The following CSN3 variants were observed in gnomAD, a reference collection of about 807,000 sequenced individuals.
The protein encoded by CSN3 is kappa-casein.
Under a neutral mutation model 9.9 loss-of-function variants are expected in CSN3, and 7 were observed. The ratio of observed to expected loss-of-function variants is 0.71; its 90% CI spans 0.40 to 1.33. The LOEUF (loss-of-function observed/expected upper bound fraction) is 1.33. Ranked by LOEUF, CSN3 falls within the 40% of genes most tolerant of loss-of-function variation. CSN3 has a pLI of 0.01. For missense variants in CSN3, 253 were observed against 227.9 expected (o/e 1.11, Z -0.71); for synonymous variants, 88 against 82.3 (o/e 1.07, Z -0.37).
chr4:70,249,315 T>C (rs2109699314), exon 4 of CSN3: 1 of 1,613,886 alleles, frequency 6.2e-7, no homozygotes, highest in East Asian at 2.2e-5. Context: ...CTACCATCAA[T>C]ACCATTGCTA....
chr4:70,244,815 C>A, exon 2 of CSN3: 2 of 1,526,270 alleles, frequency 1.3e-6, no homozygotes, highest in Non-Finnish European at 8.8e-7. Flanking sequence ...TCTTTAGGTG[C>A]AATAATGAAG....
At chr4:70,250,699 G>T (rs1730466549) in intron 4 of CSN3, among the ~76,000 whole-genome samples, 1 of 152,120 alleles carries the variant, frequency 6.6e-6, no homozygotes, top group Non-Finnish European at 1.5e-5. Context: ...TAGGACTGAG[G>T]ACATTAAGTA....
At chr4:70,243,195 A>G in intron 1 of CSN3, 2 of 971,418 alleles carry the variant, frequency 2.1e-6, no homozygotes, top group Non-Finnish European at 2.4e-6. Flanking sequence ...TGCGCAAAGT[A>G]TGGTCTTATC....
Position 70,249,054 on chromosome 4 carries a change from G to A in CSN3, c.144G>A (p.Met48Ile). The change falls in exon 4 of 5, where the codon ATG becomes ATA. Residue 48 changes from methionine (M) to isoleucine (I), a missense_variant. Physicochemically the swap from Met to Ile is conservative, Grantham distance 10. Coordinates refer to ENST00000304954, the Ensembl canonical transcript of CSN3. ...AGAAAACAGCTCCATATGTCCCAAT[G>A]TATTATGTGCCAAATAGCTATCCTT... is the stretch of plus-strand genomic sequence containing the variant. The A allele has an allele frequency of 1.9e-6, 3 of 1,613,580 alleles. No individual in the cohort carries two copies. The highest frequency in any genetic ancestry group is 1.7e-5 in the Admixed American group (1 of 59,928).
chr4:70,246,985 A>G (rs1326227232), intron 2 of CSN3, among the ~76,000 whole-genome samples: 3 of 152,048 alleles, frequency 2.0e-5, no homozygotes, highest in Admixed American at 1.3e-4. Context: ...TTACTTCTTT[A>G]CATTTTAAAC....
At chr4:70,249,633 C>T (rs1730447508) in intron 4 of CSN3, 140 bp downstream of exon 4, 2 of 600,742 alleles carry the variant, frequency 3.3e-6, no homozygotes, top group Admixed American at 6.0e-5. Flanking sequence ...ACAGTTTTAC[C>T]TTGGTAAACC....
upstream of CSN3, among the ~76,000 whole-genome samples, chr4:70,239,312 TATCTA>T (rs1730228371): frequency 6.6e-6 from 1 of 151,782 alleles, no homozygotes; most frequent in South Asian, 2.1e-4. Context: ...GTGGGAAGAA[TATCTA>T]ACAGCTACCA....
At chr4:70,249,228 T>C in exon 4 of CSN3, 1 of 1,614,070 alleles carries the variant, frequency 6.2e-7, no homozygotes, top group Non-Finnish European at 8.5e-7. Context: ...ACCCACCCAC[T>C]GTGGTACGTC....
At chr4:70,244,691 G>T in intron 1 of CSN3, 121 bp from the exon 2 acceptor site, 5 of 431,144 alleles carry the variant, frequency 1.2e-5, no homozygotes, top group Admixed American at 4.5e-5. Context: ...TTTTCACATC[G>T]GCTAAATCTA....
At chr4:70,244,910 T>C (rs768701343) in intron 2 of CSN3, 37 bp downstream of exon 2, 3 of 1,365,632 alleles carry the variant, frequency 2.2e-6, no homozygotes, top group Non-Finnish European at 3.0e-6. Flanking sequence ...GTACTGACTT[T>C]AAGAAAATTT....
At chr4:70,242,975 C>T (rs1205428190) in intron 1 of CSN3, among the ~76,000 whole-genome samples, 1 of 152,052 alleles carries the variant, frequency 6.6e-6, no homozygotes, top group Non-Finnish European at 1.5e-5. Context: ...AGAGTTAACT[C>T]CACAGGAAGT....
upstream of CSN3, among the ~76,000 whole-genome samples, chr4:70,242,403 T>C (rs1730290572): frequency 8.3e-6 from 1 of 121,164 alleles, no homozygotes; most frequent in Non-Finnish European, 2.0e-5. Context: ...GCTGGTGCAC[T>C]GCACCCACTA....
upstream of CSN3, among the ~76,000 whole-genome samples, chr4:70,239,913 T>C (rs1490113447): frequency 6.6e-6 from 1 of 152,012 alleles, no homozygotes; most frequent in African/African-American, 2.4e-5. Flanking sequence ...TTCTTTTTTG[T>C]ATGCTTTTAG....
Position 70,249,174 on chromosome 4 carries a change from G to T in CSN3, c.264G>T (p.Arg88Ser), listed in dbSNP as rs760564413. ...ATTATGCAAACCCAGCTGTAGTTAG[G>T]CCACATGCCCAAATTCCTCAGCGGC... The change falls in exon 4 of 5, where the codon AGG (arginine) becomes AGT (serine). Residue 88 changes from arginine to serine, a missense_variant. Physicochemically the swap from Arg to Ser is moderately radical, Grantham distance 110. Coordinates refer to ENST00000304954, the Ensembl canonical transcript of CSN3. The T allele has an allele frequency of 6.8e-6, 11 of 1,613,858 alleles. No homozygotes were observed. The Admixed American group carries it at 1.2e-4, about 17-fold the overall frequency.
chr4:70,250,649 CAG>C (rs757261912), intron 4 of CSN3, among the ~76,000 whole-genome samples: 5 of 152,020 alleles, frequency 3.3e-5, no homozygotes. Flanking sequence ...CCATATGAAA[CAG>C]ATATTATTCC....
At chr4:70,239,056 C>T (rs988576233), upstream of CSN3, among the ~76,000 whole-genome samples, 1 of 151,624 alleles carries the variant, frequency 6.6e-6, no homozygotes, top group Non-Finnish European at 1.5e-5. Context: ...CTTAAGGTTA[C>T]AGGAATTGAG....
At chr4:70,245,595 T>C (rs1209729971) in intron 2 of CSN3, among the ~76,000 whole-genome samples, 1 of 152,136 alleles carries the variant, frequency 6.6e-6, no homozygotes, top group Non-Finnish European at 1.5e-5. Flanking sequence ...TATTTTCTTG[T>C]TCATCTGGGT....
chr4:70,247,715 A>C (rs1041038608), intron 2 of CSN3, 103 bp from the exon 3 acceptor site: 29 of 963,886 alleles, frequency 3.0e-5, no homozygotes, highest in South Asian at 1.1e-4. Flanking sequence ...TAAAAAGAAA[A>C]CATATTTTGT....
chr4:70,246,508 A>G (rs1168804356), intron 2 of CSN3, among the ~76,000 whole-genome samples: 1 of 152,024 alleles, frequency 6.6e-6, no homozygotes, highest in Non-Finnish European at 1.5e-5. Flanking sequence ...TATGAAACCT[A>G]TGATATAAAT....
Sources: allele counts gnomAD v4.1 joint callset (sites outside exome capture counted in the v4.1 genomes callset), GRCh38; gene constraint gnomAD v4.1.1; transcripts MANE v1.5; gene names NCBI Gene and HGNC (gene_info 2026-07-23, HGNC 2026-07-21).